WIPF3: variants seen among roughly 807,000 people sequenced by gnomAD.
WIPF3 encodes WAS/WASL interacting protein family member 3.
WIPF3 carries 33 observed loss-of-function variants against 38.9 expected under a neutral mutation model. The ratio of observed to expected loss-of-function variants is 0.85; its 90% CI spans 0.64 to 1.14. WIPF3 has a LOEUF of 1.14. Among genes scored for constraint, WIPF3 ranks in the 50% most tolerant of loss-of-function variants. The pLI is 0.00. For missense variants in WIPF3, 711 were observed against 652.5 expected (o/e 1.09, Z -0.98); for synonymous variants, 324 against 269.3 (o/e 1.20, Z -1.99).
At chr7:29,840,649 A>AAAAAGTAT (rs1784898614) in intron 2 of WIPF3, among the ~76,000 whole-genome samples, 1 of 152,228 alleles carries the variant, frequency 6.6e-6, no homozygotes, top group Non-Finnish European at 1.5e-5. Flanking sequence ...TTGTGAAAGA[A>AAAAAGTAT]AAAAGTATAT....
chr7:29,883,542 C>G lies in WIPF3; in HGVS notation c.356-308C>G, dbSNP rs528370880. Among the ~76,000 whole-genome samples, 6 of 152,254 alleles carry G rather than the reference C, an allele frequency of 3.9e-5. No individual in the cohort carries two copies. In the East Asian group the frequency reaches 1.2e-3, roughly 29 times the overall value. On this transcript the variant is annotated intron_variant, in intron 4 of 8. Transcript: ENST00000242140. ...TTGATTAGGAAGGGCAAAAGACACCCGGGCAGTCCTGGCCCTGGCTGGGAT... is the reference window on the plus strand; with the variant it reads ...TTGATTAGGAAGGGCAAAAGACACCGGGGCAGTCCTGGCCCTGGCTGGGAT...
At chr7:29,872,934 C>G (rs375159507) in intron 2 of WIPF3, among the ~76,000 whole-genome samples, 4 of 151,792 alleles carry the variant, frequency 2.6e-5, no homozygotes, top group South Asian at 4.2e-4. Context: ...ATTTAGCCCA[C>G]AAGGTTGAAC....
At position 29,823,519 on chromosome 7, in the gene WIPF3, G is replaced by A. The variant is rs6979192; in HGVS notation, c.-57-11149G>A. Among the ~76,000 whole-genome samples, 88,678 of 152,056 alleles carry A rather than the reference G, an allele frequency of 0.58. 26,101 individuals carry two copies. The highest frequency in any genetic ancestry group is 0.66 in the Middle Eastern group (192 of 292). On this transcript the variant is annotated intron_variant, in intron 1 of 8. Coordinates refer to ENST00000242140, the MANE Select transcript of WIPF3 (RefSeq NM_001080529.3). This position sits in a 1 kb window ranked among gnomAD's most constrained non-coding sequence, Gnocchi z 4.0. The stretch of plus-strand genomic sequence containing the variant: ...TCTAGATTCACATATAACTTTCCCA[G>A]TGTTCTGCTAACAAGGTTTGTCTCC...
chr7:29,853,655 C>T (rs1785141465), intron 2 of WIPF3, among the ~76,000 whole-genome samples: 1 of 152,184 alleles, frequency 6.6e-6, no homozygotes, highest in East Asian at 1.9e-4. Context: ...GATTCCTGAG[C>T]CAGACTTCCT....
intron 2 of WIPF3, among the ~76,000 whole-genome samples, chr7:29,860,909 GTGTT>G (rs974919984): frequency 5.3e-5 from 8 of 151,994 alleles, no homozygotes; most frequent in African/African-American, 1.7e-4. Context: ...GCATAGGAGT[GTGTT>G]TGTGCACGGT....
intron 1 of WIPF3, among the ~76,000 whole-genome samples, chr7:29,815,888 G>C (rs141553037): frequency 6.6e-6 from 1 of 152,206 alleles, no homozygotes; most frequent in East Asian, 1.9e-4. Flanking sequence ...GGATGGCTGT[G>C]GTGGTGATTT....
intron 2 of WIPF3, among the ~76,000 whole-genome samples, chr7:29,874,880 A>G (rs1159342531): frequency 6.6e-6 from 1 of 152,220 alleles, no homozygotes; most frequent in Admixed American, 6.5e-5. Flanking sequence ...TCCATCAGAC[A>G]CTTATCCTAA....
chr7:29,899,810 A>C (rs1221079545), intron 7 of WIPF3, among the ~76,000 whole-genome samples: 1 of 152,240 alleles, frequency 6.6e-6, no homozygotes, highest in Non-Finnish European at 1.5e-5. Context: ...ATATAAAATA[A>C]AATCTACATT....
At chr7:29,869,924 A>G (rs979519625) in intron 2 of WIPF3, among the ~76,000 whole-genome samples, 1 of 152,214 alleles carries the variant, frequency 6.6e-6, no homozygotes, top group Admixed American at 6.5e-5. Flanking sequence ...AAATCTGGGC[A>G]AGCTCAGCAG....
At chr7:29,811,860 T>C (rs1360922688) in intron 1 of WIPF3, among the ~76,000 whole-genome samples, 1 of 152,210 alleles carries the variant, frequency 6.6e-6, no homozygotes, top group Non-Finnish European at 1.5e-5. Flanking sequence ...TAGCTATGCT[T>C]ACTGAGTGCC....
rs58952226 is a variant in WIPF3 at position 29,899,818 on chromosome 7, A to C, written c.1352-4468A>C. ...AAAAAGTATATAAAATAAAATCTAC[A>C]TTTTGTAAAAAATAAATTCGTGTAT... is the stretch of plus-strand genomic sequence containing the variant. On this transcript the variant is annotated intron_variant, in intron 7 of 8. Transcript: ENST00000242140. Among the ~76,000 whole-genome samples, 1,379 of 152,374 alleles carry C rather than the reference A, an allele frequency of 9.1e-3. 20 individuals carry two copies. Among genetic ancestry groups the C allele is most frequent in the African/African-American group, 0.031 (1,284 of 41,582 alleles).
At chr7:29,872,520 A>G (rs1451651936) in intron 2 of WIPF3, among the ~76,000 whole-genome samples, 2 of 152,140 alleles carry the variant, frequency 1.3e-5, no homozygotes, top group Non-Finnish European at 2.9e-5. Flanking sequence ...GAGGCCGGGC[A>G]CAGTGGCTTA....
At chr7:29,818,084 T>G (rs2128062209) in intron 1 of WIPF3, among the ~76,000 whole-genome samples, 1 of 152,340 alleles carries the variant, frequency 6.6e-6, no homozygotes, top group East Asian at 1.9e-4. Context: ...TGGCAGTTAT[T>G]GTTTATATAC....
At chr7:29,830,789 T>G (rs908327930) in intron 1 of WIPF3, among the ~76,000 whole-genome samples, 11 of 152,154 alleles carry the variant, frequency 7.2e-5, no homozygotes, top group Non-Finnish European at 7.4e-5. Flanking sequence ...ACGTGGTTGT[T>G]GAGAGGATTA....
chr7:29,833,515 A>C (rs967293489), intron 1 of WIPF3, among the ~76,000 whole-genome samples: 2 of 152,256 alleles, frequency 1.3e-5, no homozygotes, highest in Admixed American at 6.5e-5. Context: ...TTAGTGTGTC[A>C]CATAATTGCC....
intron 2 of WIPF3, among the ~76,000 whole-genome samples, chr7:29,867,798 C>CA (rs969853074): frequency 1.8e-4 from 28 of 152,252 alleles, no homozygotes; most frequent in Non-Finnish European, 3.1e-4. Context: ...AATGTGACCT[C>CA]AAAAAACAGC....
chr7:29,852,851 T>C (rs971135684), intron 2 of WIPF3, among the ~76,000 whole-genome samples: 4 of 152,224 alleles, frequency 2.6e-5, no homozygotes, highest in Non-Finnish European at 5.9e-5. Flanking sequence ...GGGAGACTTT[T>C]CCACAGCAAT....
intron 2 of WIPF3, among the ~76,000 whole-genome samples, chr7:29,866,158 CA>C (rs962972489): frequency 2.7e-5 from 4 of 148,154 alleles, no homozygotes; most frequent in African/African-American, 9.9e-5. Flanking sequence ...GACTCTGTCT[CA>C]AAAAAAAAGG....
Position 29,864,467 on chromosome 7 carries a change from G to A in WIPF3, c.91-11363G>A, listed in dbSNP as rs537683131. Among the ~76,000 whole-genome samples, 32 of 152,228 alleles carry A rather than the reference G, an allele frequency of 2.1e-4. No homozygotes were observed. The South Asian group carries it at 5.6e-3, about 27-fold the overall frequency. ...AACGTTTGCGTTCAGTTGTGTAATC[G>A]TATTAAGTGTTTCCTGCTTTGTCTC... On this transcript the variant is annotated intron_variant, in intron 2 of 8. Transcript: ENST00000242140.
Sources: allele counts gnomAD v4.1 joint callset (sites outside exome capture counted in the v4.1 genomes callset), GRCh38; gene constraint gnomAD v4.1.1; non-coding constraint Gnocchi (gnomAD v3.1); transcripts MANE v1.5; gene names NCBI Gene and HGNC (gene_info 2026-07-23, HGNC 2026-07-21).